GLI2: variants seen among roughly 807,000 people sequenced by gnomAD.
GLI2 encodes the protein transcription activator GLI2.
Under a neutral mutation model 78.9 loss-of-function variants are expected in GLI2, and 22 were observed. That is an observed-to-expected ratio of 0.28 (90% CI 0.20 to 0.40). The LOEUF (loss-of-function observed/expected upper bound fraction) is 0.40, where lower values mean the gene tolerates loss of function less well. Among genes scored for constraint, GLI2 ranks in the 10% least tolerant of loss-of-function variants. The pLI is 1.00. For missense variants in GLI2, 2,097 were observed against 2,213.2 expected (o/e 0.95, Z 1.05); for synonymous variants, 974 against 963.7 (o/e 1.01, Z -0.20).
At chr2:120,896,666 CCCA>C (rs1239513194) in intron 2 of GLI2, among the ~76,000 whole-genome samples, 8 of 8,870 alleles carry the variant, frequency 9.0e-4, no homozygotes, top group African/African-American at 3.4e-3. Flanking sequence ...CACACATACA[CCCA>C]CCCCCCCACA....
intron 2 of GLI2, among the ~76,000 whole-genome samples, chr2:120,825,050 G>A (rs1290003873): frequency 6.6e-6 from 1 of 152,086 alleles, no homozygotes. Context: ...TGCCCAGGCT[G>A]GTCTCGAACT....
rs767802807 is a variant in GLI2 at position 120,990,575 on chromosome 2, C to T, written c.4610C>T (p.Pro1537Leu). The T allele has an allele frequency of 4.2e-5, 67 of 1,613,938 alleles. No homozygotes were observed. In the Middle Eastern group the frequency reaches 1.3e-3, roughly 32 times the overall value. ...ACCCCCCGAAACTCCTTGACCCTGCCCTCCATCCCCGCAGGCATCAGCAAC... is the reference window on the plus strand; with the variant it reads ...ACCCCCCGAAACTCCTTGACCCTGCTCTCCATCCCCGCAGGCATCAGCAAC... ...LTTPRNSLTLPSIPAGISNMA... is the reference protein window; with the variant it reads ...LTTPRNSLTLLSIPAGISNMA... Residue 1537 changes from proline to leucine, a missense_variant, in exon 14 of 14, where the codon CCC (proline) becomes CTC (leucine). Around this residue, in one of 5 missense-constraint regions of GLI2, gnomAD observed 1,290 missense variants for 1,261.7 expected, o/e 1.02. Coordinates refer to ENST00000361492, the MANE Select transcript of GLI2 (RefSeq NM_001374353.1).
chr2:120,767,927 G>A (rs1433365455), intron 1 of GLI2, among the ~76,000 whole-genome samples: 1 of 152,138 alleles, frequency 6.6e-6, no homozygotes, highest in Non-Finnish European at 1.5e-5. Flanking sequence ...ACATCAGAAG[G>A]ACTCGATGCC....
At chr2:120,748,173 A>C (rs1160754579) in intron 1 of GLI2, among the ~76,000 whole-genome samples, 1 of 152,248 alleles carries the variant, frequency 6.6e-6, no homozygotes, top group Admixed American at 6.5e-5. Flanking sequence ...GAATTGCCCC[A>C]AACTCTTTTC....
intron 2 of GLI2, among the ~76,000 whole-genome samples, chr2:120,874,596 G>A (rs1688638067): frequency 1.3e-5 from 2 of 152,184 alleles, no homozygotes; most frequent in Non-Finnish European, 1.5e-5. Context: ...TCTATCATCC[G>A]TGACCTGTAG....
At position 120,988,550 on chromosome 2, in the gene GLI2, T is replaced by C. The variant is rs1239404153; in HGVS notation, c.2585T>C (p.Leu862Pro). The stretch of plus-strand genomic sequence containing the variant: ...CAGTGCAGCGGCGGCTCCGGGCTGC[T>C]CAACCTCACGCCGGCGCAGCAGTAC... ...ASQCSGGSGLLNLTPAQQYSL... is the reference protein window; with the variant it reads ...ASQCSGGSGLPNLTPAQQYSL... The change falls in exon 14 of 14, where the codon CTC becomes CCC. Residue 862 changes from leucine (L) to proline (P), a missense_variant. Leu to Pro is a moderately conservative substitution (Grantham distance 98). Coordinates refer to ENST00000361492, the MANE Select transcript of GLI2 (RefSeq NM_001374353.1). The C allele has an allele frequency of 6.7e-7, 1 of 1,502,720 alleles. No homozygotes were observed. Among genetic ancestry groups the C allele is most frequent in the South Asian group, 1.2e-5 (1 of 80,976 alleles). The allele number at this position is 1,502,720 out of a possible 1,614,324, so 93.1% of individuals were successfully genotyped here. A position where few individuals can be genotyped will look rare whatever the true frequency, so the allele number is the denominator to read the frequency against.
chr2:120,986,567 C>T lies in GLI2; in HGVS notation c.2195C>T (p.Pro732Leu), dbSNP rs772532094. ...SLKDSCSWAG[P>L]TPHTRNTKLP... ...AAGGATTCCTGCTCATGGGCCGGGC[C>T]GACTCCACACACGCGGAACACCAAG... Residue 732 changes from proline to leucine, a missense_variant, in exon 13 of 14, where the codon CCG (proline) becomes CTG (leucine). By Grantham distance (98) the Pro-to-Leu change is moderately conservative. Transcript: ENST00000361492. 13 of 1,614,132 alleles carry T rather than the reference C, an allele frequency of 8.1e-6. No individual in the cohort carries two copies. The highest frequency in any genetic ancestry group is 5.0e-5 in the Admixed American group (3 of 60,024).
At chr2:120,825,036 T>G (rs928816168) in intron 2 of GLI2, among the ~76,000 whole-genome samples, 2 of 152,092 alleles carry the variant, frequency 1.3e-5, no homozygotes, top group African/African-American at 4.8e-5. Context: ...GGGTTTCAAC[T>G]TGTTGCCCAG....
chr2:120,870,019 T>C (rs1249802284), intron 2 of GLI2, among the ~76,000 whole-genome samples: 1 of 152,204 alleles, frequency 6.6e-6, no homozygotes, highest in Non-Finnish European at 1.5e-5. Context: ...TATAAATATG[T>C]TGGGCTAATA....
At chr2:120,826,869 C>T (rs1313257809) in intron 2 of GLI2, among the ~76,000 whole-genome samples, 1 of 152,220 alleles carries the variant, frequency 6.6e-6, no homozygotes, top group Admixed American at 6.5e-5. Context: ...GCTCCCGCTT[C>T]CTCTGTCTCC....
At chr2:120,786,281 C>G (rs6724515) in intron 1 of GLI2, among the ~76,000 whole-genome samples, 5,580 of 152,264 alleles carry the variant, frequency 0.037, 314 homozygotes, top group African/African-American at 0.12. Flanking sequence ...CAGCCCAGCT[C>G]CTTTCTCAAG....
At chr2:120,832,256 C>T (rs1057288741) in intron 2 of GLI2, among the ~76,000 whole-genome samples, 3 of 152,206 alleles carry the variant, frequency 2.0e-5, no homozygotes, top group Admixed American at 6.5e-5. Context: ...ACCCAGGAGA[C>T]CTGGGGTCAA....
chr2:120,868,619 G>A (rs1179160055), intron 2 of GLI2, among the ~76,000 whole-genome samples: 1 of 152,176 alleles, frequency 6.6e-6, no homozygotes, highest in Non-Finnish European at 1.5e-5. Context: ...CAGAAACAAA[G>A]TTAGGTAAGG....
Position 120,988,208 on chromosome 2 carries a change from G to A in GLI2, c.2243G>A (p.Gly748Asp). Reference protein sequence around the residue: ...NTKLPPLPGSGSILENFSGSG... With the variant: ...NTKLPPLPGSDSILENFSGSG... ...TGCTGACCCCTCTGCTCTCCCGCAGGCTCCATCCTGGAAAACTTCAGTGGC... is the reference window on the plus strand; with the variant it reads ...TGCTGACCCCTCTGCTCTCCCGCAGACTCCATCCTGGAAAACTTCAGTGGC... Residue 748 changes from glycine (G) to aspartate (D), a missense_variant and splice_region_variant, in exon 14 of 14, where the codon GGC becomes GAC. By Grantham distance (94) the Gly-to-Asp change is moderately conservative. This residue lies in a region of GLI2 where 1,290 missense variants were observed against 1,261.7 expected (regional missense o/e 1.02). Coordinates refer to ENST00000361492, the MANE Select transcript of GLI2 (RefSeq NM_001374353.1). The A allele has an allele frequency of 6.3e-7, 1 of 1,586,386 alleles. No individual in the cohort carries two copies. The highest frequency in any genetic ancestry group is 8.5e-7 in the Non-Finnish European group (1 of 1,169,872).
chr2:120,850,294 G>A (rs1241590420), intron 2 of GLI2, among the ~76,000 whole-genome samples: 1 of 122,428 alleles, frequency 8.2e-6, no homozygotes, highest in Non-Finnish European at 1.7e-5. Flanking sequence ...TCTAGAGAAG[G>A]GGAGAACAGA....
rs764830136 is a variant in GLI2 at position 120,986,426 on chromosome 2, C to A, written c.2054C>A (p.Pro685Gln). 1.9e-6 allele frequency: 3 copies of A among 1,613,766 alleles called. No homozygotes were observed. The highest frequency in any genetic ancestry group is 1.7e-5 in the Admixed American group (1 of 60,000). ...CTGACGGCACTGGATGACACACCCC[C>A]AGGGGCCGACACCTCAGCCCTGGCT... ...GDLTALDDTP[P>Q]GADTSALAAP... Residue 685 changes from proline (P) to glutamine (Q), a missense_variant, in exon 13 of 14, where the codon CCA becomes CAA. Pro to Gln is a moderately conservative substitution (Grantham distance 76). Coordinates refer to ENST00000361492, the MANE Select transcript of GLI2 (RefSeq NM_001374353.1).
intron 2 of GLI2, among the ~76,000 whole-genome samples, chr2:120,869,080 A>G (rs1010306919): frequency 2.2e-4 from 34 of 152,048 alleles, no homozygotes; most frequent in African/African-American, 4.8e-5. Context: ...CCATTGGTCT[A>G]TGTGCCTGTT....
In GLI2 at chr2:120,926,136, G is replaced by GA. The variant is rs551301616; in HGVS notation, c.149-1214dup. Among the ~76,000 whole-genome samples the GA allele has an allele frequency of 4.4e-3, 414 of 94,626 alleles. 4 individuals are homozygous for GA. The highest frequency in any genetic ancestry group is 0.018 in the Middle Eastern group (3 of 164). 62.1% of individuals were successfully genotyped at this position (94,626 alleles called of 152,430 possible). A position where few individuals can be genotyped will look rare whatever the true frequency, so the allele number is the denominator to read the frequency against. On this transcript the variant is annotated intron_variant, in intron 2 of 13. Transcript: ENST00000361492. ...TAAATTTCAGATGTCTTTACTGCAA[G>GA]AAAAAAAAAAAGAATTCATAGTATT... is the stretch of plus-strand genomic sequence containing the variant.
At position 120,934,996 on chromosome 2, in the gene GLI2, C is replaced by T. The variant is rs190294098; in HGVS notation, c.254+7530C>T. ...CTCTGTCCTCAGTCATTCACTGAGACGGGTGGGTTGAGCAGAAAGATATTT... is the reference window on the plus strand; with the variant it reads ...CTCTGTCCTCAGTCATTCACTGAGATGGGTGGGTTGAGCAGAAAGATATTT... On this transcript the variant is annotated intron_variant, in intron 3 of 13. Coordinates refer to ENST00000361492, the MANE Select transcript of GLI2 (RefSeq NM_001374353.1). Among the ~76,000 whole-genome samples, 35 of 152,324 alleles carry T rather than the reference C, an allele frequency of 2.3e-4. No homozygotes were observed. The East Asian group carries it at 6.0e-3, about 26-fold the overall frequency.
Sources: allele counts gnomAD v4.1 joint callset (sites outside exome capture counted in the v4.1 genomes callset), GRCh38; gene constraint gnomAD v4.1.1; regional missense constraint gnomAD v4.1.1; transcripts MANE v1.5; gene names NCBI Gene and HGNC (gene_info 2026-07-23, HGNC 2026-07-21).